Variants in NEK1 observed in about 807,000 individuals in gnomAD.
NEK1 encodes NIMA related kinase 1.
In NEK1, 137 loss-of-function variants were observed where a neutral mutation model predicts 182.1. The observed-to-expected ratio is 0.75, with a 90% CI of 0.65 to 0.87. The LOEUF is 0.87. Among genes scored for constraint, NEK1 ranks in the 40% least tolerant of loss-of-function variants. The pLI, the probability that NEK1 is intolerant of heterozygous loss-of-function variation, is 0.00. For missense variants in NEK1, 1,391 were observed against 1,494.4 expected (o/e 0.93, Z 1.14); for synonymous variants, 513 against 492.2 (o/e 1.04, Z -0.56).
chr4:169,433,567 C>T lies in NEK1; in HGVS notation c.2863G>A (p.Glu955Lys). Residue 955 changes from glutamate (E) to lysine (K), a missense_variant, in exon 29 of 36, where the codon GAA becomes AAA. Physicochemically the swap from Glu to Lys is moderately conservative, Grantham distance 56. Coordinates refer to ENST00000507142, the MANE Select transcript of NEK1 (RefSeq NM_001199397.3). Reference protein sequence around the residue: ...CTITDVWISEEKETKETQSAD... With the variant: ...CTITDVWISEKKETKETQSAD... Reference sequence around the variant, plus strand: ...TACTGAGTTTCCTTTGTTTCTTTTTCCTCACTAATCCACACATCAGTAATA... The same window carrying T: ...TACTGAGTTTCCTTTGTTTCTTTTTTCTCACTAATCCACACATCAGTAATA... 1 of 1,609,614 alleles carries T rather than the reference C, an allele frequency of 6.2e-7. No homozygotes were observed. The highest frequency in any genetic ancestry group is 8.5e-7 in the Non-Finnish European group (1 of 1,178,504).
chr4:169,514,359 G>A (rs1160768782), intron 19 of NEK1, among the ~76,000 whole-genome samples: 1 of 152,218 alleles, frequency 6.6e-6, no homozygotes, highest in African/African-American at 2.4e-5. Context: ...TTTGGTTATG[G>A]TATTAGGGTA....
intron 4 of NEK1, among the ~76,000 whole-genome samples, chr4:169,599,510 C>T (rs1770117962): frequency 1.3e-5 from 2 of 152,160 alleles, no homozygotes. Context: ...TCAATAAATA[C>T]AATTCCTTAA....
chr4:169,401,798 C>G lies in NEK1; in HGVS notation c.3437G>C (p.Arg1146Thr). The G allele has an allele frequency of 6.2e-7, 1 of 1,613,794 alleles. No homozygotes were observed. Among genetic ancestry groups the G allele is most frequent in the Non-Finnish European group, 8.5e-7 (1 of 1,179,798 alleles). The change falls in exon 33 of 36, where the codon AGG (arginine) becomes ACG (threonine). Residue 1146 changes from arginine (R) to threonine (T), a missense_variant. Physicochemically the swap from Arg to Thr is moderately conservative, Grantham distance 71. Around this residue, in one of 5 missense-constraint regions of NEK1, gnomAD observed 1,216 missense variants for 1,277.6 expected, o/e 0.95. Coordinates refer to ENST00000507142, the MANE Select transcript of NEK1 (RefSeq NM_001199397.3). The stretch of plus-strand genomic sequence containing the variant: ...ACTGTATTCTTCACCAGGTTGTTCC[C>G]TAAGTAACTGTTCCATCGAGGCCTG... ...ELQASMEQLL[R>T]EQPGEEYSEE...
intron 29 of NEK1, among the ~76,000 whole-genome samples, chr4:169,427,418 G>A (rs1339584021): frequency 6.6e-6 from 1 of 151,734 alleles, no homozygotes; most frequent in Non-Finnish European, 1.5e-5. Context: ...GAGCCACTGC[G>A]CCCGGCCTGT....
intron 27 of NEK1, 71 bp from the exon 28 acceptor site, chr4:169,438,330 G>A: frequency 8.1e-7 from 1 of 1,231,880 alleles, no homozygotes; most frequent in South Asian, 1.6e-5. Flanking sequence ...TGGCATTGGG[G>A]GCAAAGTTCA....
chr4:169,463,246 T>C lies in NEK1; in HGVS notation c.2584A>G (p.Ser862Gly), dbSNP rs376630399. Reference sequence around the variant, plus strand: ...AAAACTACCAGTTTCTCCTTACCACTTCTAATAGTTGTATTTTCTAATAGT... The same window carrying C: ...AAAACTACCAGTTTCTCCTTACCACCTCTAATAGTTGTATTTTCTAATAGT... ...TELLENTTIR[S>G]EISPEGEKYK... The change falls in exon 27 of 36, where the codon AGT (serine) becomes GGT (glycine). Residue 862 changes from serine (S) to glycine (G), a missense_variant. This residue lies in a region of NEK1 where 1,216 missense variants were observed against 1,277.6 expected (regional missense o/e 0.95). Transcript: ENST00000507142. 1.4e-5 allele frequency: 21 copies of C among 1,550,194 alleles called. No homozygotes were observed. The African/African-American group carries it at 2.7e-4, about 20-fold the overall frequency.
chr4:169,522,968 G>A (rs931437308), intron 19 of NEK1, among the ~76,000 whole-genome samples: 1 of 152,178 alleles, frequency 6.6e-6, no homozygotes, highest in African/African-American at 2.4e-5. Flanking sequence ...GAACCCTGGT[G>A]TTATTTCTCA....
At chr4:169,557,018 C>G (rs893774652) in intron 16 of NEK1, among the ~76,000 whole-genome samples, 2 of 151,946 alleles carry the variant, frequency 1.3e-5, no homozygotes, top group Non-Finnish European at 2.9e-5. Context: ...TTGGTGTTTG[C>G]GTTCAAATAA....
At position 169,507,142 on chromosome 4, in the gene NEK1, A is replaced by G. The variant is rs750857632; in HGVS notation, c.1912-10T>C. ...GTGCATTTGCATGGGCCTAAAAATA[A>G]AAACAATTAACAAAATGAGTTACCA... On this transcript the variant is annotated splice_polypyrimidine_tract_variant and intron_variant, in intron 22 of 35. Coordinates refer to ENST00000507142, the MANE Select transcript of NEK1 (RefSeq NM_001199397.3). The G allele has an allele frequency of 6.4e-7, 1 of 1,569,126 alleles. No homozygotes were observed. The highest frequency in any genetic ancestry group is 1.8e-5 in the Admixed American group (1 of 54,494).
chr4:169,532,821 ACG>A (rs1757885484), intron 19 of NEK1, among the ~76,000 whole-genome samples: 1 of 151,700 alleles, frequency 6.6e-6, no homozygotes, highest in Non-Finnish European at 1.5e-5. Flanking sequence ...GCATGATGGC[ACG>A]CGCCTGTAGT....
intron 9 of NEK1, among the ~76,000 whole-genome samples, chr4:169,586,674 C>T (rs1767589096): frequency 6.6e-6 from 1 of 151,592 alleles, no homozygotes; most frequent in Admixed American, 6.6e-5. Context: ...TGATAACCAC[C>T]ATCCCACATT....
At chr4:169,472,336 T>A (rs1579971517) in intron 26 of NEK1, among the ~76,000 whole-genome samples, 1 of 152,130 alleles carries the variant, frequency 6.6e-6, no homozygotes, top group South Asian at 2.1e-4. Flanking sequence ...GTGGGTCAGA[T>A]AGCACCGTCC....
At chr4:169,481,605 T>C (rs76433434) in intron 23 of NEK1, among the ~76,000 whole-genome samples, 1 of 152,204 alleles carries the variant, frequency 6.6e-6, no homozygotes, top group African/African-American at 2.4e-5. Context: ...ATTTTTTTTT[T>C]CTAACCAGTA....
intron 35 of NEK1, among the ~76,000 whole-genome samples, chr4:169,397,826 C>A (rs1579269113): frequency 6.6e-6 from 1 of 152,306 alleles, no homozygotes; most frequent in East Asian, 1.9e-4. Flanking sequence ...CAGCTCTCCA[C>A]TTAAGGGGCA....
Position 169,576,920 on chromosome 4 carries a change from G to T in NEK1, c.1020+8C>A. On this transcript the variant is annotated splice_region_variant and intron_variant, in intron 12 of 35. Transcript: ENST00000507142. ...GTTATTAACACATGGTATGTAACAT[G>T]ATCATACCTGTTTATGTTTTTGCAG... 1 of 1,587,970 alleles carries T rather than the reference G, an allele frequency of 6.3e-7. No homozygotes were observed. Among genetic ancestry groups the T allele is most frequent in the South Asian group, 1.1e-5 (1 of 88,914 alleles).
chr4:169,569,617 G>C (rs915390380), intron 12 of NEK1, among the ~76,000 whole-genome samples: 2 of 151,746 alleles, frequency 1.3e-5, no homozygotes, highest in Admixed American at 6.6e-5. Context: ...TCAGCCTGCC[G>C]AGTGCCTGCG....
At chr4:169,502,590 A>G (rs1236255347) in intron 23 of NEK1, among the ~76,000 whole-genome samples, 2 of 152,186 alleles carry the variant, frequency 1.3e-5, no homozygotes, top group Non-Finnish European at 2.9e-5. Context: ...ACACAAACCA[A>G]TAAATGTGAT....
At chr4:169,451,754 A>G (rs921564156) in intron 27 of NEK1, among the ~76,000 whole-genome samples, 23 of 152,350 alleles carry the variant, frequency 1.5e-4, no homozygotes, top group African/African-American at 5.5e-4. Context: ...AACAAATTCA[A>G]AAGCTAGCAG....
intron 23 of NEK1, among the ~76,000 whole-genome samples, chr4:169,490,083 A>G (rs1042577739): frequency 1.3e-5 from 2 of 152,142 alleles, no homozygotes; most frequent in Non-Finnish European, 2.9e-5. Flanking sequence ...GACCCCCACT[A>G]AAGCCCTTGT....
Sources: gnomAD v4.1 joint callset for allele counts (sites outside exome capture counted in the v4.1 genomes callset) on GRCh38, gnomAD v4.1.1 for gene constraint, gnomAD v4.1.1 regional missense constraint, MANE v1.5 for transcripts, NCBI Gene and HGNC (gene_info 2026-07-23, HGNC 2026-07-21) for gene names.